Variants in TRRAP observed in about 807,000 individuals in gnomAD.
TRRAP encodes the protein transformation/transcription domain associated protein.
Under a neutral mutation model 438.8 loss-of-function variants are expected in TRRAP, and 41 were observed. The observed-to-expected ratio is 0.09, with a 90% CI of 0.07 to 0.12. TRRAP has a LOEUF of 0.12. Among genes scored for constraint, TRRAP ranks in the 10% least tolerant of loss-of-function variants. TRRAP has a pLI of 1.00. For missense variants in TRRAP, 3,122 were observed against 5,055.1 expected, an observed-to-expected ratio of 0.62 and a Z score of 11.60; for synonymous variants, 1,994 against 1,962.9, an observed-to-expected ratio of 1.02 and a Z score of -0.42.
chr7:98,942,471 A>T (rs544878149), intron 30 of TRRAP, among the ~76,000 whole-genome samples: 1 of 152,142 alleles, frequency 6.6e-6, no homozygotes. Flanking sequence ...TCTCATCCAG[A>T]GCTGGTTCCT....
chr7:98,915,955 G>A, intron 19 of TRRAP, 67 bp downstream of exon 19: 1 of 1,585,896 alleles, frequency 6.3e-7, no homozygotes, highest in South Asian at 1.1e-5. Flanking sequence ...TAGCCATCCT[G>A]ATTGCTGGGT....
intron 13 of TRRAP, among the ~76,000 whole-genome samples, chr7:98,907,431 A>G (rs1796829738): frequency 6.6e-6 from 1 of 152,212 alleles, no homozygotes; most frequent in South Asian, 2.1e-4. Context: ...TTTACTTCCA[A>G]TAAGGAAGGC....
chr7:98,909,720 G>T (rs1554408269), intron 14 of TRRAP, among the ~76,000 whole-genome samples: 1 of 152,176 alleles, frequency 6.6e-6, no homozygotes, highest in East Asian at 1.9e-4. Flanking sequence ...TGCTTGTCAG[G>T]CCAGTCACTC....
chr7:98,969,996 T>C, intron 51 of TRRAP, 116 bp from the exon 52 acceptor site: 2 of 1,269,650 alleles, frequency 1.6e-6, no homozygotes, highest in Non-Finnish European at 1.1e-6. Context: ...GCTGAGCTCA[T>C]ACTTGGACCT....
chr7:98,949,139 G>A (rs937772277), intron 35 of TRRAP, among the ~76,000 whole-genome samples: 38 of 151,970 alleles, frequency 2.5e-4, no homozygotes, highest in African/African-American at 7.0e-4. Context: ...AGCTTGAGGT[G>A]GGAGGATTGC....
rs1489526693 is a variant in TRRAP, at chr7:99,005,192, C to G, written c.10597C>G (p.Arg3533Gly). ...CACCGCAGCCCGGCGGCTGTACATC[C>G]GGGGACACAATGGCAAGATCTACCC... ...HNTAARRLYI[R>G]GHNGKIYPYL... Residue 3533 changes from arginine (R) to glycine (G), a missense_variant, in exon 69 of 73, where the codon CGG (arginine) becomes GGG (glycine). Arg to Gly is a moderately radical substitution (Grantham distance 125). Coordinates refer to ENST00000456197, the MANE Select transcript of TRRAP (RefSeq NM_001375524.1). This position sits in a 1 kb window ranked among gnomAD's most constrained non-coding sequence, Gnocchi z 5.1. 3 of 1,613,872 alleles carry G rather than the reference C, an allele frequency of 1.9e-6. No homozygotes were observed. Among genetic ancestry groups the G allele is most frequent in the Non-Finnish European group, 2.5e-6 (3 of 1,179,994 alleles).
At chr7:98,946,559 GCA>G (rs569197940) in intron 33 of TRRAP, among the ~76,000 whole-genome samples, 59 of 143,334 alleles carry the variant, frequency 4.1e-4, no homozygotes, top group South Asian at 1.4e-3. Context: ...CACCACACAT[GCA>G]CACACACCAC....
rs553127489 is a variant in TRRAP, at chr7:98,961,494, G to C, written c.6703+20G>C. On this transcript the variant is annotated intron_variant, in intron 46 of 72. Transcript: ENST00000456197. ...AGCCGAGTATGTGACCTTTCCCACCGGTGCTTTTCTTTCAAAGTGGACGGT... is the reference window on the plus strand; with the variant it reads ...AGCCGAGTATGTGACCTTTCCCACCCGTGCTTTTCTTTCAAAGTGGACGGT... The C allele has an allele frequency of 6.2e-7, 1 of 1,609,498 alleles. No homozygotes were observed. Among genetic ancestry groups the C allele is most frequent in the South Asian group, 1.1e-5 (1 of 91,044 alleles).
Position 98,927,791 on chromosome 7 carries a change from C to G in TRRAP, c.3175+425C>G, listed in dbSNP as rs536902136. On this transcript the variant is annotated intron_variant, in intron 23 of 72. Coordinates refer to ENST00000456197, the MANE Select transcript of TRRAP (RefSeq NM_001375524.1). The stretch of plus-strand genomic sequence containing the variant: ...GCCTCGCAGTCTCCCCTGCGATGCC[C>G]GTTTCTGCTCCCAGGATCCTCATTC... 2.0e-5 allele frequency among the ~76,000 whole-genome samples: 3 copies of G among 152,218 alleles called. No individual in the cohort carries two copies. The East Asian group carries it at 5.8e-4, about 29-fold the overall frequency.
At chr7:98,880,001 G>A (rs1334130480) in intron 1 of TRRAP, among the ~76,000 whole-genome samples, 2 of 152,214 alleles carry the variant, frequency 1.3e-5, no homozygotes, top group Non-Finnish European at 2.9e-5. Context: ...GGGATACTTT[G>A]TGACACCTGT....
At position 98,949,496 on chromosome 7, in the gene TRRAP, T is replaced by C; in HGVS notation, c.4868T>C (p.Leu1623Pro). 6.2e-7 allele frequency: 1 copy of C among 1,611,270 alleles called. No homozygotes were observed. Among genetic ancestry groups the C allele is most frequent in the Non-Finnish European group, 8.5e-7 (1 of 1,178,912 alleles). Reference protein sequence around the residue: ...ANPNRFITLLLPGGAQTAVRP... With the variant: ...ANPNRFITLLPPGGAQTAVRP... ...CCCAACAGGTTCATCACCCTGCTGCTGCCGGGGGGTGCCCAGACGGCTGTG... is the reference window on the plus strand; with the variant it reads ...CCCAACAGGTTCATCACCCTGCTGCCGCCGGGGGGTGCCCAGACGGCTGTG... Residue 1623 changes from leucine (L) to proline (P), a missense_variant, in exon 36 of 73, where the codon CTG becomes CCG. This residue lies in a region of TRRAP where 272 missense variants were observed against 348.5 expected (regional missense o/e 0.78). Transcript: ENST00000456197.
Position 98,931,573 on chromosome 7 carries a change from T to C in TRRAP, c.3760T>C (p.Ser1254Pro). 2.5e-6 allele frequency: 4 copies of C among 1,614,066 alleles called. No homozygotes were observed. The highest frequency in any genetic ancestry group is 3.4e-6 in the Non-Finnish European group (4 of 1,180,036). Reference sequence around the variant, plus strand: ...GGTTCGAGAAGTCACCTCTCCAAACTCCACTGTGAGGAAGCAGGCCATGCA... The same window carrying C: ...GGTTCGAGAAGTCACCTCTCCAAACCCCACTGTGAGGAAGCAGGCCATGCA... The part of the protein sequence containing the change: ...DLVREVTSPN[S>P]TVRKQAMHSL... Residue 1254 changes from serine (S) to proline (P), a missense_variant, in exon 26 of 73, where the codon TCC (serine) becomes CCC (proline). Ser to Pro is a moderately conservative substitution (Grantham distance 74). Around this residue, in one of 24 missense-constraint regions of TRRAP, gnomAD observed 153 missense variants for 223.0 expected, o/e 0.69. Transcript: ENST00000456197.
chr7:98,889,006 G>A (rs1554404380), intron 3 of TRRAP, among the ~76,000 whole-genome samples: 2 of 138,688 alleles, frequency 1.4e-5, no homozygotes, highest in South Asian at 2.3e-4. Flanking sequence ...GGATTTGGGT[G>A]TTAGATATAC....
intron 3 of TRRAP, among the ~76,000 whole-genome samples, chr7:98,888,507 A>G (rs1488344439): frequency 6.6e-6 from 1 of 152,216 alleles, no homozygotes; most frequent in African/African-American, 2.4e-5. Flanking sequence ...ATTGCACTCC[A>G]GCCTGGGCGA....
chr7:98,886,055 C>T (rs1021296019), intron 3 of TRRAP, among the ~76,000 whole-genome samples: 5 of 152,236 alleles, frequency 3.3e-5, no homozygotes, highest in East Asian at 1.9e-4. Context: ...GAGGCCGAGG[C>T]GGGTGGATCA....
intron 20 of TRRAP, among the ~76,000 whole-genome samples, chr7:98,921,319 G>A (rs1266103292): frequency 3.3e-5 from 5 of 152,178 alleles, no homozygotes; most frequent in Non-Finnish European, 5.9e-5. Context: ...AAGGGAGAAC[G>A]GTGTGTTTGG....
chr7:98,990,759 GAT>G, intron 64 of TRRAP, 140 bp downstream of exon 64: 1 of 925,520 alleles, frequency 1.1e-6, no homozygotes, highest in Non-Finnish European at 1.5e-6. Context: ...TAATCATGTA[GAT>G]ATTATTTAAT....
intron 52 of TRRAP, 108 bp downstream of exon 52, chr7:98,970,399 T>G: frequency 7.3e-7 from 1 of 1,366,268 alleles, no homozygotes; most frequent in Non-Finnish European, 9.8e-7. Flanking sequence ...ACGGGCAGAA[T>G]CCCAGAGAGG....
At chr7:98,954,284 G>A (rs1444122389) in intron 40 of TRRAP, among the ~76,000 whole-genome samples, 1 of 152,244 alleles carries the variant, frequency 6.6e-6, no homozygotes, top group Non-Finnish European at 1.5e-5. Context: ...CACGGTCCAT[G>A]CCCTTTGGCA....
Sources: allele counts gnomAD v4.1 joint callset (sites outside exome capture counted in the v4.1 genomes callset), GRCh38; gene constraint gnomAD v4.1.1; regional missense constraint gnomAD v4.1.1; non-coding constraint Gnocchi (gnomAD v3.1); transcripts MANE v1.5; gene names NCBI Gene and HGNC (gene_info 2026-07-23, HGNC 2026-07-21).